The following GALNT13 variants were observed in gnomAD, a reference collection of about 807,000 sequenced individuals.
GALNT13 encodes the protein UDP-GalNAc:polypeptide N-acetylgalactosaminyltransferase 13.
In GALNT13, 28 loss-of-function variants were observed where a neutral mutation model predicts 64.2. The observed-to-expected ratio is 0.44, with a 90% CI of 0.32 to 0.60. The LOEUF is 0.60. Among genes scored for constraint, GALNT13 ranks in the 20% least tolerant of loss-of-function variants. The pLI is 0.05. For synonymous variants in GALNT13, 214 were observed against 224.6 expected (o/e 0.95, Z 0.42); for missense variants, 577 against 669.8 (o/e 0.86, Z 1.53).
chr2:154,448,925 A>G (rs1418224122), intron 12 of GALNT13, among the ~76,000 whole-genome samples: 1 of 152,020 alleles, frequency 6.6e-6, no homozygotes, highest in Non-Finnish European at 1.5e-5. Context: ...TTTTTGAAAG[A>G]GAATATATAC....
intron 9 of GALNT13, among the ~76,000 whole-genome samples, chr2:154,357,049 A>T (rs1328944190): frequency 6.6e-6 from 1 of 152,024 alleles, no homozygotes; most frequent in African/African-American, 2.4e-5. Context: ...AAAAAAGAAC[A>T]TTATATTTGG....
intron 3 of GALNT13, among the ~76,000 whole-genome samples, chr2:154,064,892 G>A (rs370389597): frequency 2.6e-5 from 4 of 152,164 alleles, no homozygotes; most frequent in South Asian, 2.1e-4. Flanking sequence ...TTAGGTACCC[G>A]CTCAGCTGCA....
chr2:153,729,330 T>G, the GALNT13 span, among the ~76,000 whole-genome samples: 1 of 152,170 alleles, frequency 6.6e-6, no homozygotes. Context: ...AATATATTTT[T>G]TCTTCTGTGG....
chr2:153,971,731 A>C (rs1021727151), intron 3 of GALNT13, among the ~76,000 whole-genome samples: 2 of 152,146 alleles, frequency 1.3e-5, no homozygotes, highest in Non-Finnish European at 2.9e-5. Context: ...ATAAAAATGC[A>C]TGCATTCTTA....
chr2:154,135,487 A>G (rs533222112), intron 3 of GALNT13, among the ~76,000 whole-genome samples: 1 of 152,204 alleles, frequency 6.6e-6, no homozygotes, highest in Non-Finnish European at 1.5e-5. Context: ...GATTTATAAA[A>G]GTTGTATATA....
the GALNT13 span, among the ~76,000 whole-genome samples, chr2:153,128,330 A>G: frequency 3.3e-5 from 5 of 152,192 alleles, no homozygotes; most frequent in African/African-American, 4.8e-5. Flanking sequence ...CATGTCTTAC[A>G]TGGATGGCAG....
At chr2:153,902,064 G>A (rs879757919) in intron 2 of GALNT13, among the ~76,000 whole-genome samples, 2 of 152,022 alleles carry the variant, frequency 1.3e-5, no homozygotes, top group Non-Finnish European at 2.9e-5. Context: ...TTCCCTTTTG[G>A]ACTCTGGTGA....
chr2:154,073,591 A>G (rs1700846712), intron 3 of GALNT13, among the ~76,000 whole-genome samples: 2 of 151,954 alleles, frequency 1.3e-5, no homozygotes, highest in African/African-American at 4.8e-5. Flanking sequence ...CCAAATAACC[A>G]GTATTTTCCA....
the GALNT13 span, among the ~76,000 whole-genome samples, chr2:153,719,758 T>TA: frequency 6.6e-6 from 1 of 151,400 alleles, no homozygotes. Flanking sequence ...CAGACCGGCT[T>TA]AAAAAACGGC....
At chr2:153,106,059 G>A in the GALNT13 span, among the ~76,000 whole-genome samples, 1 of 152,098 alleles carries the variant, frequency 6.6e-6, no homozygotes, top group African/African-American at 2.4e-5. Context: ...GCACACCCGA[G>A]TGATGCTTTC....
intron 3 of GALNT13, among the ~76,000 whole-genome samples, chr2:154,069,381 T>TA (rs1700630766): frequency 6.6e-6 from 1 of 151,828 alleles, no homozygotes; most frequent in South Asian, 2.1e-4. Context: ...AATAAACCCT[T>TA]AAAAATGCTA....
intron 4 of GALNT13, among the ~76,000 whole-genome samples, chr2:154,232,792 G>T (rs1020243770): frequency 1.3e-5 from 2 of 151,772 alleles, no homozygotes; most frequent in African/African-American, 4.8e-5. Context: ...TAGCATTTTG[G>T]GAAGCCGAGG....
At chr2:153,243,252 T>C in the GALNT13 span, among the ~76,000 whole-genome samples, 7 of 152,286 alleles carry the variant, frequency 4.6e-5, no homozygotes, top group East Asian at 9.7e-4. Context: ...TCTTCTCCCA[T>C]AGGATTTCCC....
the GALNT13 span, among the ~76,000 whole-genome samples, chr2:153,277,923 C>CT: frequency 0.058 from 4,590 of 79,066 alleles, 462 homozygotes; most frequent in African/African-American, 0.13. Flanking sequence ...GTTTTCTTTT[C>CT]TTTCTTTTTT....
the GALNT13 span, among the ~76,000 whole-genome samples, chr2:153,660,498 T>C: frequency 6.6e-6 from 1 of 151,512 alleles, no homozygotes; most frequent in East Asian, 1.9e-4. Flanking sequence ...ATCTTTTGGT[T>C]GATACAAAAG....
chr2:153,879,415 C>T (rs1020931106), intron 1 of GALNT13, among the ~76,000 whole-genome samples: 2 of 151,792 alleles, frequency 1.3e-5, no homozygotes, highest in African/African-American at 4.8e-5. Context: ...CAGAGTCTGC[C>T]TCTGTTACCC....
chr2:154,298,528 A>AATTGTATATATTTATATATAC (rs1559075255), intron 8 of GALNT13, among the ~76,000 whole-genome samples: 3 of 114,336 alleles, frequency 2.6e-5, no homozygotes, highest in Non-Finnish European at 5.1e-5. Context: ...TTATATATAA[A>AATTGTATATATTTATATATAC]ATTGTATATA....
chr2:153,491,242 G>A, the GALNT13 span, among the ~76,000 whole-genome samples: 28 of 151,802 alleles, frequency 1.8e-4, no homozygotes, highest in Non-Finnish European at 2.9e-4. Context: ...TTTCACAATA[G>A]AATAAAAATT....
At chr2:153,258,512 C>G in the GALNT13 span, among the ~76,000 whole-genome samples, 1 of 152,084 alleles carries the variant, frequency 6.6e-6, no homozygotes, top group Non-Finnish European at 1.5e-5. Context: ...ATTTGGTTTG[C>G]TCTTCCTTTT....
Sources: gnomAD v4.1 joint callset for allele counts (sites outside exome capture counted in the v4.1 genomes callset) on GRCh38, gnomAD v4.1.1 for gene constraint, MANE v1.5 for transcripts, NCBI Gene and HGNC (gene_info 2026-07-23, HGNC 2026-07-21) for gene names.